The following ABL1 variants were observed in gnomAD, a reference collection of about 807,000 sequenced individuals.
ABL1 encodes ABL proto-oncogene 1, non-receptor tyrosine kinase, also known as tyrosine-protein kinase ABL1.
A neutral mutation model predicts 94.7 loss-of-function variants in ABL1; 11 were observed. That is an observed-to-expected ratio of 0.12 (90% CI 0.07 to 0.19). ABL1 has a LOEUF of 0.19. ABL1 is among the 10% of genes least tolerant of loss of function. The pLI is 1.00. For missense variants in ABL1, 1,082 were observed against 1,489.4 expected (o/e 0.73, Z 4.50); for synonymous variants, 656 against 622.4 (o/e 1.05, Z -0.80).
intron 1 of ABL1, among the ~76,000 whole-genome samples, chr9:130,788,400 G>T: frequency 6.6e-6 from 1 of 152,066 alleles, no homozygotes. Context: ...ACAACATTTT[G>T]TCCTTTTATC....
chr9:130,873,122 G>C (rs1422535899), intron 6 of ABL1, 85 bp downstream of exon 6: 2 of 1,412,968 alleles, frequency 1.4e-6, no homozygotes, highest in Non-Finnish European at 1.9e-6. Flanking sequence ...CAGCCTAGGA[G>C]GTCTCAGGGC....
chr9:130,852,895 G>A (rs545974235), intron 1 of ABL1, among the ~76,000 whole-genome samples: 25 of 152,228 alleles, frequency 1.6e-4, no homozygotes, highest in African/African-American at 5.8e-4. Context: ...GAACATATTT[G>A]AGGGTGGTCG....
At chr9:130,864,780 C>T (rs1831129106) in intron 4 of ABL1, among the ~76,000 whole-genome samples, 1 of 152,148 alleles carries the variant, frequency 6.6e-6, no homozygotes, top group South Asian at 2.1e-4. Flanking sequence ...CCTTGGGTTG[C>T]ACAGGGTTGA....
At chr9:130,783,502 T>C (rs1250509450) in intron 1 of ABL1, among the ~76,000 whole-genome samples, 1 of 152,198 alleles carries the variant, frequency 6.6e-6, no homozygotes, top group Non-Finnish European at 1.5e-5. Flanking sequence ...TGTAAGTGGC[T>C]GTGAATTAGA....
Position 130,835,589 on chromosome 9 carries a change from T to TC in ABL1, c.79+66dup. On this transcript the variant is annotated intron_variant, in intron 1 of 10. Transcript: ENST00000318560. The surrounding 1 kb of genome is among the most constrained non-coding windows in gnomAD (Gnocchi z 4.6). Reference sequence around the variant, plus strand: ...CGCCCTCCCGCTGCTGCTGGGCCCTTCCTAGGCCTCGCCGCCCGCGCGCTC... The same window carrying TC: ...CGCCCTCCCGCTGCTGCTGGGCCCTTCCCTAGGCCTCGCCGCCCGCGCGCTC... The TC allele has an allele frequency of 7.0e-7, 1 of 1,428,968 alleles. No individual in the cohort carries two copies. Among genetic ancestry groups the TC allele is most frequent in the Middle Eastern group, 2.3e-4 (1 of 4,288 alleles). 88.5% of individuals were successfully genotyped at this position (1,428,968 alleles called of 1,614,324 possible).
At chr9:130,809,409 AGAGAGAGAGTGTGTGTGTGT>A (rs1331024080) in intron 1 of ABL1, among the ~76,000 whole-genome samples, 2 of 125,370 alleles carry the variant, frequency 1.6e-5, no homozygotes, top group African/African-American at 5.5e-5. Context: ...AGAGAGAGAG[AGAGAGAGAGTGTGTGTGTGT>A]GTGTGTGTGT....
At chr9:130,765,349 G>T (rs74903416) in intron 1 of ABL1, among the ~76,000 whole-genome samples, 1 of 152,284 alleles carries the variant, frequency 6.6e-6, no homozygotes, top group East Asian at 1.9e-4. Context: ...ACTTCAAAAC[G>T]TGTAGCTAGC....
chr9:130,760,972 G>A lies in ABL1; in HGVS notation c.136+46517G>A, dbSNP rs1410337487. Among the ~76,000 whole-genome samples the A allele has an allele frequency of 5.1e-5, 6 of 118,614 alleles. No homozygotes were observed. The East Asian group carries it at 1.6e-3, about 32-fold the overall frequency. The allele number at this position is 118,614 out of a possible 152,430, so 77.8% of individuals were successfully genotyped here. Reference sequence around the variant, plus strand: ...TTTTTTTTTTTTTTTTTTTGAGACGGAGTCTCGCTCTTTCGCCCAGGCTGG... The same window carrying A: ...TTTTTTTTTTTTTTTTTTTGAGACGAAGTCTCGCTCTTTCGCCCAGGCTGG... On this transcript the variant is annotated intron_variant, in intron 1 of 10. Transcript: ENST00000372348.
intron 1 of ABL1, among the ~76,000 whole-genome samples, chr9:130,765,899 G>A (rs892888912): frequency 3.3e-5 from 5 of 152,360 alleles, no homozygotes; most frequent in Middle Eastern, 3.4e-3. Flanking sequence ...TGGTGGCTTG[G>A]TGGAAAAACG....
chr9:130,735,954 TA>T (rs1219800325), intron 1 of ABL1, among the ~76,000 whole-genome samples: 24,373 of 92,952 alleles, frequency 0.26, 3,100 homozygotes, highest in Middle Eastern at 0.37. Context: ...TATATATATA[TA>T]TATATATTTT....
chr9:130,862,695 C>A lies in ABL1; in HGVS notation c.550-68C>A. 1 of 1,554,280 alleles carries A rather than the reference C, an allele frequency of 6.4e-7. No individual in the cohort carries two copies. The highest frequency in any genetic ancestry group is 2.3e-5 in the East Asian group (1 of 44,328). On this transcript the variant is annotated intron_variant, in intron 3 of 10. Transcript: ENST00000318560. The surrounding 1 kb of genome is among the most constrained non-coding windows in gnomAD (Gnocchi z 5.5). Reference sequence around the variant, plus strand: ...TGTAGTGAATTAAGGCTCAGCCAAACTGGCTCACGTGAGCTCTTTGAGCTT... The same window carrying A: ...TGTAGTGAATTAAGGCTCAGCCAAAATGGCTCACGTGAGCTCTTTGAGCTT...
chr9:130,733,753 G>T (rs577180017), intron 1 of ABL1, among the ~76,000 whole-genome samples: 44 of 151,824 alleles, frequency 2.9e-4, no homozygotes, highest in African/African-American at 1.0e-3. Context: ...ACCACGCCCG[G>T]CTAACTTTTT....
intron 1 of ABL1, among the ~76,000 whole-genome samples, chr9:130,717,521 A>G (rs1831457927): frequency 6.7e-6 from 1 of 149,598 alleles, no homozygotes; most frequent in Admixed American, 6.7e-5. Context: ...TGTGCAATCT[A>G]GTGAGATCTT....
rs770760322 is a variant in ABL1, at chr9:130,884,649, G to T, written c.2359G>T (p.Val787Leu). 6.2e-7 allele frequency: 1 copy of T among 1,613,260 alleles called. No homozygotes were observed. The highest frequency in any genetic ancestry group is 1.1e-5 in the South Asian group (1 of 91,074). Residue 787 changes from valine (V) to leucine (L), a missense_variant, in exon 11 of 11, where the codon GTG becomes TTG. Physicochemically the swap from Val to Leu is conservative, Grantham distance 32 (BLOSUM62 1). Transcript: ENST00000318560. This position sits in a 1 kb window ranked among gnomAD's most constrained non-coding sequence, Gnocchi z 5.6. Reference sequence around the variant, plus strand: ...CACAGTAACGCCTCCCCCCAGGCTGGTGAAAAAGAATGAGGAAGCTGCTGA... The same window carrying T: ...CACAGTAACGCCTCCCCCCAGGCTGTTGAAAAAGAATGAGGAAGCTGCTGA... ...RGTVTPPPRL[V>L]KKNEEAADEV...
chr9:130,754,566 A>G (rs2132735649), intron 1 of ABL1, among the ~76,000 whole-genome samples: 1 of 151,536 alleles, frequency 6.6e-6, no homozygotes, highest in East Asian at 1.9e-4. Context: ...GTCTCACCCT[A>G]CACTGCTTTG....
At chr9:130,756,203 T>C (rs1373016790) in intron 1 of ABL1, among the ~76,000 whole-genome samples, 1 of 152,186 alleles carries the variant, frequency 6.6e-6, no homozygotes, top group Non-Finnish European at 1.5e-5. Flanking sequence ...TTTGGGAGGC[T>C]TTGTTTTCTC....
intron 1 of ABL1, chr9:130,714,497 C>G (rs377089855): frequency 1.2e-6 from 2 of 1,613,748 alleles, no homozygotes; most frequent in African/African-American, 2.7e-5. Flanking sequence ...TTTCCTCATG[C>G]ATTCATCTTA....
intron 1 of ABL1, among the ~76,000 whole-genome samples, chr9:130,727,763 C>CCCCCA (rs1491522038): frequency 8.7e-6 from 1 of 114,362 alleles, no homozygotes; most frequent in African/African-American, 3.3e-5. Flanking sequence ...CCCCCCCCCC[C>CCCCCA]AAAAAAAAGC....
chr9:130,849,170 A>G (rs1409592729), intron 1 of ABL1, among the ~76,000 whole-genome samples: 1 of 152,174 alleles, frequency 6.6e-6, no homozygotes, highest in Non-Finnish European at 1.5e-5. Flanking sequence ...AATATATCCT[A>G]TTTTATGCAT....
Sources: allele counts gnomAD v4.1 joint callset (sites outside exome capture counted in the v4.1 genomes callset), GRCh38; gene constraint gnomAD v4.1.1; non-coding constraint Gnocchi (gnomAD v3.1); transcripts MANE v1.5; gene names NCBI Gene and HGNC (gene_info 2026-07-23, HGNC 2026-07-21).